Variants in PEX5L observed in about 807,000 individuals in gnomAD.
The protein encoded by PEX5L is peroxisomal biogenesis factor 5 like.
In PEX5L, 30 loss-of-function variants were observed where a neutral mutation model predicts 84.0. That is an observed-to-expected ratio of 0.36 (90% confidence interval 0.27 to 0.48). PEX5L has a LOEUF of 0.48. Among genes scored for constraint, PEX5L ranks in the 20% least tolerant of loss-of-function variants. The pLI is 0.99. For synonymous variants in PEX5L, 270 were observed against 283.1 expected (o/e 0.95, Z 0.46); for missense variants, 533 against 754.6 (o/e 0.71, Z 3.44).
At chr3:179,975,919 T>C (rs949530025) in intron 1 of PEX5L, among the ~76,000 whole-genome samples, 3 of 152,236 alleles carry the variant, frequency 2.0e-5, no homozygotes, top group African/African-American at 7.2e-5. Context: ...GAGTTTGTGG[T>C]GTCTTTGGAA....
chr3:179,969,301 A>T (rs1333366536), intron 2 of PEX5L, among the ~76,000 whole-genome samples: 1 of 152,082 alleles, frequency 6.6e-6, no homozygotes, highest in Non-Finnish European at 1.5e-5. Flanking sequence ...GGAAGAATAA[A>T]CTGAAAATAA....
At chr3:179,860,127 G>GTT (rs3836470) in intron 7 of PEX5L, among the ~76,000 whole-genome samples, 6 of 151,826 alleles carry the variant, frequency 4.0e-5, no homozygotes, top group Admixed American at 1.3e-4. Flanking sequence ...TTTGTTTTTT[G>GTT]TTTTTTTTGG....
At chr3:179,943,639 A>G (rs747390382) in intron 2 of PEX5L, among the ~76,000 whole-genome samples, 7 of 152,132 alleles carry the variant, frequency 4.6e-5, no homozygotes, top group Non-Finnish European at 1.0e-4. Context: ...GTTTTATTCC[A>G]CCACGTGGAG....
chr3:179,858,398 G>T (rs1257311307), intron 8 of PEX5L, among the ~76,000 whole-genome samples: 1 of 151,464 alleles, frequency 6.6e-6, no homozygotes, highest in Non-Finnish European at 1.5e-5. Flanking sequence ...GTTTATTTAG[G>T]TTTTTTTTCT....
chr3:179,874,478 A>G, intron 6 of PEX5L, 55 bp from the exon 7 acceptor site: 2 of 921,070 alleles, frequency 2.2e-6, no homozygotes, highest in South Asian at 2.9e-5. Context: ...ATTAAGCTAT[A>G]AATCCAGCCA....
At chr3:180,024,689 T>TGA (rs1048917965) in intron 1 of PEX5L, among the ~76,000 whole-genome samples, 5 of 150,674 alleles carry the variant, frequency 3.3e-5, no homozygotes, top group Non-Finnish European at 5.9e-5. Context: ...TGTGTGTGTG[T>TGA]GAGAGAGAGA....
intron 2 of PEX5L, among the ~76,000 whole-genome samples, chr3:179,951,454 A>G (rs1779058982): frequency 6.6e-6 from 1 of 152,174 alleles, no homozygotes; most frequent in South Asian, 2.1e-4. Flanking sequence ...AAACTTCTAC[A>G]AAGACTCCTT....
At chr3:179,815,456 G>C (rs1210922025) in intron 10 of PEX5L, among the ~76,000 whole-genome samples, 1 of 152,172 alleles carries the variant, frequency 6.6e-6, no homozygotes, top group South Asian at 2.1e-4. Context: ...GTGGTGACAG[G>C]CACCTGTAAT....
At chr3:180,027,396 A>G (rs1324010613) in intron 1 of PEX5L, among the ~76,000 whole-genome samples, 1 of 152,222 alleles carries the variant, frequency 6.6e-6, no homozygotes, top group East Asian at 1.9e-4. Context: ...AAAGAGTACA[A>G]TGGACTCCCA....
At position 179,805,247 on chromosome 3, in the gene PEX5L, G is replaced by C. The variant is rs368404419; in HGVS notation, c.1676+2427C>G. Among the ~76,000 whole-genome samples, 52 of 142,474 alleles carry C rather than the reference G, an allele frequency of 3.6e-4. 1 individual carries two copies. Among genetic ancestry groups the C allele is most frequent in the African/African-American group, 1.3e-3 (49 of 38,050 alleles). 93.5% of individuals were successfully genotyped at this position (142,474 alleles called of 152,430 possible). On this transcript the variant is annotated intron_variant, in intron 14 of 14. Transcript: ENST00000467460. ...GACAATAAAAGACCCACAAAACTTAGTCGATACGTTCCAAAGTAGCCAACT... is the reference window on the plus strand; with the variant it reads ...GACAATAAAAGACCCACAAAACTTACTCGATACGTTCCAAAGTAGCCAACT...
At chr3:179,808,815 C>A (rs186715184) in intron 12 of PEX5L, among the ~76,000 whole-genome samples, 1 of 152,178 alleles carries the variant, frequency 6.6e-6, no homozygotes, top group Admixed American at 6.5e-5. Context: ...TGGTGGCTCA[C>A]GCCTGTAATC....
chr3:180,001,760 T>C (rs1327622500), intron 1 of PEX5L, among the ~76,000 whole-genome samples: 1 of 152,176 alleles, frequency 6.6e-6, no homozygotes, highest in East Asian at 1.9e-4. Flanking sequence ...TGTGCTATTT[T>C]TATAGTTTAG....
At chr3:179,810,667 G>A (rs1436702075) in intron 11 of PEX5L, among the ~76,000 whole-genome samples, 3 of 152,156 alleles carry the variant, frequency 2.0e-5, no homozygotes, top group African/African-American at 7.2e-5. Context: ...GCCCTAGGCA[G>A]GACATAATAC....
chr3:179,813,079 A>G (rs1724518250), intron 10 of PEX5L, among the ~76,000 whole-genome samples: 1 of 152,218 alleles, frequency 6.6e-6, no homozygotes, highest in Non-Finnish European at 1.5e-5. Flanking sequence ...TCTCTTAAAC[A>G]TACAGACAGC....
intron 10 of PEX5L, among the ~76,000 whole-genome samples, chr3:179,814,202 G>C (rs1256957456): frequency 6.6e-6 from 1 of 152,104 alleles, no homozygotes; most frequent in Non-Finnish European, 1.5e-5. Context: ...TTTTGAACAA[G>C]ATATTACAAG....
intron 2 of PEX5L, among the ~76,000 whole-genome samples, chr3:179,922,673 C>A (rs1275739708): frequency 6.6e-6 from 1 of 151,746 alleles, no homozygotes; most frequent in African/African-American, 2.4e-5. Flanking sequence ...AGGCTGGTCT[C>A]AAACTCCTGG....
At chr3:180,021,546 T>A (rs1229211465) in intron 1 of PEX5L, among the ~76,000 whole-genome samples, 3 of 152,214 alleles carry the variant, frequency 2.0e-5, no homozygotes, top group Admixed American at 2.0e-4. Context: ...ATGCTTAACA[T>A]GAAAGGACTT....
intron 13 of PEX5L, 22 bp from the exon 14 acceptor site, chr3:179,807,853 T>C (rs757813949): frequency 6.2e-7 from 1 of 1,607,340 alleles, no homozygotes; most frequent in Non-Finnish European, 8.5e-7. Flanking sequence ...ATCAGAACTT[T>C]CTAACAACCC....
chr3:179,890,968 T>C (rs777863986), intron 3 of PEX5L, among the ~76,000 whole-genome samples: 1 of 101,568 alleles, frequency 9.8e-6, no homozygotes, highest in Admixed American at 1.1e-4. Context: ...GGTAAAAAAA[T>C]TTTTTTTTTT....
Sources: allele counts gnomAD v4.1 joint callset (sites outside exome capture counted in the v4.1 genomes callset), GRCh38; gene constraint gnomAD v4.1.1; transcripts MANE v1.5; gene names NCBI Gene and HGNC (gene_info 2026-07-23, HGNC 2026-07-21).